The following GLP1R variants were observed in gnomAD, a reference collection of about 807,000 sequenced individuals.
GLP1R encodes glucagon like peptide 1 receptor, also known as glucagon-like peptide 1 receptor.
In GLP1R, 32 loss-of-function variants were observed where a neutral mutation model predicts 68.4. The ratio of observed to expected loss-of-function variants is 0.47; its 90% CI spans 0.35 to 0.63. The LOEUF is 0.63. Ranked by LOEUF, GLP1R falls within the 20% of genes least tolerant of loss-of-function variation. The pLI is 0.00. For missense variants in GLP1R, 502 were observed against 594.9 expected (o/e 0.84, Z 1.62); for synonymous variants, 263 against 244.4 (o/e 1.08, Z -0.71).
chr6:39,080,719 T>C lies in GLP1R; in HGVS notation c.1204T>C (p.Tyr402His). The C allele has an allele frequency of 1.3e-6, 2 of 1,598,118 alleles. No homozygotes were observed. Among genetic ancestry groups the C allele is most frequent in the Non-Finnish European group, 1.7e-6 (2 of 1,171,264 alleles). ...CCAGGGGCTGATGGTGGCCATATTA[T>C]ACTGCTTTGTCAACAATGAGGTAAG... ...SFQGLMVAIL[Y>H]CFVNNEVQLE... Residue 402 changes from tyrosine (Y) to histidine (H), a missense_variant, in exon 12 of 13, where the codon TAC becomes CAC. Coordinates refer to ENST00000373256, the MANE Select transcript of GLP1R (RefSeq NM_002062.5).
intron 5 of GLP1R, among the ~76,000 whole-genome samples, chr6:39,070,025 C>A (rs1768615943): frequency 3.3e-5 from 5 of 152,134 alleles, no homozygotes; most frequent in Admixed American, 3.3e-4. Flanking sequence ...AAGGAGTGAA[C>A]ACTATGCCCT....
rs562438158 is a variant in GLP1R, at chr6:39,090,731, G to A, written c.*4658G>A. 2.0e-5 allele frequency among the ~76,000 whole-genome samples: 3 copies of A among 152,194 alleles called. No homozygotes were observed. Among genetic ancestry groups the A allele is most frequent in the Non-Finnish European group, 4.4e-5 (3 of 68,022 alleles). On this transcript the variant is annotated 3_prime_UTR_variant, in exon 13 of 13. Coordinates refer to ENST00000373256, the MANE Select transcript of GLP1R (RefSeq NM_002062.5). ...CAATGTAGCATGACTAATTATTGCT[G>A]TGTCAAAGCAATTCAGGACAAGAAA...
chr6:39,063,992 A>G (rs1419382112), intron 3 of GLP1R, among the ~76,000 whole-genome samples: 3 of 136,854 alleles, frequency 2.2e-5, no homozygotes, highest in African/African-American at 8.5e-5. Flanking sequence ...TTCTCAGGAG[A>G]CTCAGTTCTT....
chr6:39,055,918 G>GT (rs1365263482), intron 1 of GLP1R, among the ~76,000 whole-genome samples: 1 of 152,088 alleles, frequency 6.6e-6, no homozygotes, highest in Non-Finnish European at 1.5e-5. Flanking sequence ...TTCCTGGGGG[G>GT]GCTGTGCACC....
In GLP1R at chr6:39,049,020, G is replaced by A. The variant is rs1018108264; in HGVS notation, c.78+102G>A. On this transcript the variant is annotated intron_variant, in intron 1 of 12. Coordinates refer to ENST00000373256, the MANE Select transcript of GLP1R (RefSeq NM_002062.5). The surrounding 1 kb of genome is among the most constrained non-coding windows in gnomAD (Gnocchi z 4.5). ...GGCCCCGGGACTTGAACGAAACTCC[G>A]AGACCGCTGGCGGGGGCATCCGAAA... The A allele has an allele frequency of 2.3e-5, 12 of 515,160 alleles. No individual in the cohort carries two copies. Among genetic ancestry groups the A allele is most frequent in the South Asian group, 1.6e-4 (5 of 32,126 alleles). 31.9% of individuals were successfully genotyped at this position (515,160 alleles called of 1,614,324 possible).
intron 5 of GLP1R, among the ~76,000 whole-genome samples, chr6:39,071,276 G>T (rs544275222): frequency 6.7e-6 from 1 of 149,790 alleles, no homozygotes; most frequent in Non-Finnish European, 1.5e-5. Flanking sequence ...AACCCAGGAG[G>T]TGGAGGCTGC....
intron 1 of GLP1R, among the ~76,000 whole-genome samples, chr6:39,055,607 T>C (rs1768191630): frequency 1.3e-5 from 2 of 152,274 alleles, no homozygotes; most frequent in Non-Finnish European, 2.9e-5. Context: ...GTGACTTCAG[T>C]GTTCTGGAAC....
intron 1 of GLP1R, among the ~76,000 whole-genome samples, chr6:39,051,675 A>G (rs549849977): frequency 2.6e-4 from 40 of 152,092 alleles, no homozygotes; most frequent in African/African-American, 8.7e-4. Context: ...GGACAGAGAT[A>G]CAGACAGGTA....
intron 12 of GLP1R, among the ~76,000 whole-genome samples, chr6:39,084,834 C>T (rs989431618): frequency 2.0e-5 from 3 of 152,034 alleles, no homozygotes; most frequent in Non-Finnish European, 2.9e-5. Context: ...GCTGGATGGA[C>T]GACAAAGGAG....
chr6:39,073,576 T>G (rs1307411491), intron 6 of GLP1R, 34 bp from the exon 7 acceptor site: 1 of 1,601,166 alleles, frequency 6.2e-7, no homozygotes, highest in African/African-American at 1.3e-5. Flanking sequence ...AGGGCAGAGC[T>G]GTTGTCCCCA....
rs10305424 is a variant in GLP1R, at chr6:39,049,882, T to C, written c.78+964T>C. ...AGAGGAGACATAGACTTGGGTGGCC[T>C]GTCCTGGGTCAGGAAACAGGTTCTT... On this transcript the variant is annotated intron_variant, in intron 1 of 12. Transcript: ENST00000373256. This position sits in a 1 kb window ranked among gnomAD's most constrained non-coding sequence, Gnocchi z 4.5. Among the ~76,000 whole-genome samples, 122 of 152,292 alleles carry C rather than the reference T, an allele frequency of 8.0e-4. 1 individual carries two copies. Among genetic ancestry groups the C allele is most frequent in the African/African-American group, 2.8e-3 (117 of 41,566 alleles).
intron 1 of GLP1R, among the ~76,000 whole-genome samples, chr6:39,050,465 A>G (rs1478972983): frequency 6.6e-6 from 1 of 152,160 alleles, no homozygotes; most frequent in Non-Finnish European, 1.5e-5. Flanking sequence ...CAGGCTCCTG[A>G]ACCCACACTT....
rs1768949606 is a variant in GLP1R at position 39,079,928 on chromosome 6, T to G, written c.1182+226T>G. Among the ~76,000 whole-genome samples the G allele has an allele frequency of 6.6e-6, 1 of 152,178 alleles. No homozygotes were observed. The highest frequency in any genetic ancestry group is 1.5e-5 in the Non-Finnish European group (1 of 68,008). On this transcript the variant is annotated intron_variant, in intron 11 of 12. Transcript: ENST00000373256. This position sits in a 1 kb window ranked among gnomAD's most constrained non-coding sequence, Gnocchi z 4.5. ...ACATGGGACAAGAAGCCTTCCTGGA[T>G]GTAGCTCTGGGTACCAGCCTGGCAT...
At chr6:39,063,118 C>A (rs1348148692) in intron 3 of GLP1R, among the ~76,000 whole-genome samples, 2 of 152,182 alleles carry the variant, frequency 1.3e-5, no homozygotes, top group East Asian at 3.9e-4. Flanking sequence ...ATGGCTGTGT[C>A]TTCTTTTCTC....
rs555129533 is a variant in GLP1R, at chr6:39,089,451, CACCACAAAGGGCA to C, written c.*3380_*3392del. Among the ~76,000 whole-genome samples, 96 of 152,292 alleles carry C rather than the reference CACCACAAAGGGCA, an allele frequency of 6.3e-4. No individual in the cohort carries two copies. The highest frequency in any genetic ancestry group is 1.9e-3 in the African/African-American group (80 of 41,570). On this transcript the variant is annotated 3_prime_UTR_variant, in exon 13 of 13. Coordinates refer to ENST00000373256, the MANE Select transcript of GLP1R (RefSeq NM_002062.5). This position sits in a 1 kb window ranked among gnomAD's most constrained non-coding sequence, Gnocchi z 4.1. ...CTGTAGCCTAGCAAAGATGGCACAGCACCACAAAGGGCAAATGGAGTCAACTCCCTTCCATGCT... is the reference window on the plus strand; with the variant it reads ...CTGTAGCCTAGCAAAGATGGCACAGCAATGGAGTCAACTCCCTTCCATGCT...
chr6:39,071,094 C>A (rs1768649567), intron 5 of GLP1R, among the ~76,000 whole-genome samples: 1 of 151,972 alleles, frequency 6.6e-6, no homozygotes, highest in Admixed American at 6.6e-5. Flanking sequence ...CGCCAGTAAT[C>A]CCAGCACTTT....
intron 5 of GLP1R, among the ~76,000 whole-genome samples, chr6:39,072,354 G>A (rs564505675): frequency 6.6e-6 from 1 of 152,208 alleles, no homozygotes; most frequent in Non-Finnish European, 1.5e-5. Flanking sequence ...TTTGCCCCTG[G>A]TTAGGTAAAT....
Position 39,091,256 on chromosome 6 carries a change from CTT to C in GLP1R, c.*5185_*5186del, listed in dbSNP as rs1292200290. 2.0e-5 allele frequency among the ~76,000 whole-genome samples: 3 copies of C among 152,218 alleles called. No individual in the cohort carries two copies. The highest frequency in any genetic ancestry group is 7.2e-5 in the African/African-American group (3 of 41,460). ...GTACAGATGTGAATGGATGCAGACT[CTT>C]TCCTAATTTGCCTTGTAAGCCAAAT... is the stretch of plus-strand genomic sequence containing the variant. On this transcript the variant is annotated 3_prime_UTR_variant, in exon 13 of 13. Transcript: ENST00000373256.
Position 39,065,791 on chromosome 6 carries a change from G to T in GLP1R, c.364G>T (p.Asp122Tyr). Residue 122 changes from aspartate to tyrosine, a missense_variant, in exon 4 of 13, where the codon GAC becomes TAC. Asp to Tyr is a radical substitution (Grantham distance 160). Coordinates refer to ENST00000373256, the MANE Select transcript of GLP1R (RefSeq NM_002062.5). ...QKDNSSLPWR[D>Y]LSECEESKRG... The stretch of plus-strand genomic sequence containing the variant: ...GGACAACTCCAGCCTGCCCTGGAGG[G>T]ACTTGTCGGAGTGCGAGGAGTCCAA... The T allele has an allele frequency of 4.4e-6, 7 of 1,603,102 alleles. No homozygotes were observed. Among genetic ancestry groups the T allele is most frequent in the South Asian group, 1.1e-5 (1 of 88,588 alleles).
Sources: allele counts gnomAD v4.1 joint callset (sites outside exome capture counted in the v4.1 genomes callset), GRCh38; gene constraint gnomAD v4.1.1; non-coding constraint Gnocchi (gnomAD v3.1); transcripts MANE v1.5; gene names NCBI Gene and HGNC (gene_info 2026-07-23, HGNC 2026-07-21).